PDSS1: variants seen among roughly 807,000 people sequenced by gnomAD.
The protein encoded by PDSS1 is decaprenyl diphosphate synthase subunit 1.
PDSS1 carries 43 observed loss-of-function variants against 57.5 expected under a neutral mutation model. The observed-to-expected ratio is 0.75, with a 90% confidence interval of 0.59 to 0.96. The LOEUF (loss-of-function observed/expected upper bound fraction) is 0.96. Among genes scored for constraint, PDSS1 ranks in the 50% least tolerant of loss-of-function variants. The pLI, the probability that PDSS1 is intolerant of heterozygous loss-of-function variation, is 0.00. For missense variants in PDSS1, 438 were observed against 527.8 expected (o/e 0.83, Z 1.67); for synonymous variants, 175 against 191.3 (o/e 0.91, Z 0.70).
Position 26,710,430 on chromosome 10 carries a change from A to G in PDSS1, c.467+662A>G, listed in dbSNP as rs543443846. ...CCCGCTAATTTTTTGTATTTTTAGT[A>G]GAGACAGGGTTTCACCGTGTTAGCC... On this transcript the variant is annotated intron_variant, in intron 5 of 11. Coordinates refer to ENST00000376215, the MANE Select transcript of PDSS1 (RefSeq NM_014317.5). Among the ~76,000 whole-genome samples the G allele has an allele frequency of 3.3e-5, 3 of 91,464 alleles. No homozygotes were observed. The South Asian group carries it at 9.0e-4, about 27-fold the overall frequency. The allele number at this position is 91,464 out of a possible 152,430, so 60.0% of individuals were successfully genotyped here. A position where few individuals can be genotyped will look rare whatever the true frequency, so the allele number is the denominator to read the frequency against.
intron 11 of PDSS1, among the ~76,000 whole-genome samples, chr10:26,743,443 TA>T (rs1333224125): frequency 6.6e-6 from 1 of 152,198 alleles, no homozygotes; most frequent in African/African-American, 2.4e-5. Flanking sequence ...CCCCAACCCC[TA>T]AAAGGTTATT....
intron 5 of PDSS1, 33 bp from the exon 6 acceptor site, chr10:26,720,185 G>T: frequency 6.2e-7 from 1 of 1,611,952 alleles, no homozygotes; most frequent in African/African-American, 1.3e-5. Flanking sequence ...TCTAGGCGGC[G>T]TCTGTTAAAA....
chr10:26,704,129 A>G (rs911996647), intron 2 of PDSS1, among the ~76,000 whole-genome samples: 1 of 149,274 alleles, frequency 6.7e-6, no homozygotes, highest in Non-Finnish European at 1.5e-5. Context: ...CATGTTCATT[A>G]GAGAAGAATC....
At chr10:26,702,936 T>C (rs979905052) in intron 2 of PDSS1, among the ~76,000 whole-genome samples, 2 of 152,314 alleles carry the variant, frequency 1.3e-5, no homozygotes, top group Non-Finnish European at 2.9e-5. Flanking sequence ...TGCCCCTCTC[T>C]TTTCATTCTT....
At chr10:26,731,852 C>T (rs1366501159) in intron 8 of PDSS1, among the ~76,000 whole-genome samples, 1 of 152,320 alleles carries the variant, frequency 6.6e-6, no homozygotes. Context: ...AGTGCAGTGG[C>T]ACGATCTCGG....
chr10:26,734,649 G>A (rs1177045823), intron 8 of PDSS1: 24 of 456,040 alleles, frequency 5.3e-5, no homozygotes, highest in Admixed American at 3.5e-4. Context: ...ATGAAAGAGC[G>A]ATATCTGTGT....
intron 5 of PDSS1, among the ~76,000 whole-genome samples, chr10:26,710,861 C>T (rs61851865): frequency 8.0e-5 from 8 of 99,416 alleles, no homozygotes; most frequent in Admixed American, 1.2e-4. Context: ...CAGCCTGAAA[C>T]ACCCTCTAGG....
rs1174934315 is a variant in PDSS1, at chr10:26,723,786, T to C, written c.610-20T>C. The C allele has an allele frequency of 1.3e-6, 2 of 1,529,132 alleles. No homozygotes were observed. The highest frequency in any genetic ancestry group is 3.3e-5 in the Admixed American group (2 of 59,932). 94.7% of individuals were successfully genotyped at this position (1,529,132 alleles called of 1,614,324 possible). On this transcript the variant is annotated intron_variant, in intron 6 of 11. Coordinates refer to ENST00000376215, the MANE Select transcript of PDSS1 (RefSeq NM_014317.5). ...GATGGATTTTTCAGAACGTTCTGTT[T>C]TCCCCCTGTCTTTTTCTAGGCTGTT... is the stretch of plus-strand genomic sequence containing the variant.
At chr10:26,703,609 A>G (rs1835112789) in intron 2 of PDSS1, among the ~76,000 whole-genome samples, 1 of 152,168 alleles carries the variant, frequency 6.6e-6, no homozygotes, top group Non-Finnish European at 1.5e-5. Context: ...GTTGTCATAT[A>G]ATGGTTGTCA....
At chr10:26,716,648 G>A (rs150184427) in intron 5 of PDSS1, among the ~76,000 whole-genome samples, 21 of 151,668 alleles carry the variant, frequency 1.4e-4, no homozygotes, top group Non-Finnish European at 1.8e-4. Flanking sequence ...TCAAGATTGC[G>A]CCCCTGCACT....
At chr10:26,707,263 T>A (rs1183218206) in intron 4 of PDSS1, among the ~76,000 whole-genome samples, 1 of 152,208 alleles carries the variant, frequency 6.6e-6, no homozygotes, top group Non-Finnish European at 1.5e-5. Context: ...TGCCTCTTAG[T>A]GTGCATGGTT....
chr10:26,744,620 G>A (rs1235635561), intron 11 of PDSS1, among the ~76,000 whole-genome samples: 1 of 151,740 alleles, frequency 6.6e-6, no homozygotes, highest in Non-Finnish European at 1.5e-5. Flanking sequence ...CGATCTTGAC[G>A]TCGTGATCCG....
At chr10:26,728,970 G>A (rs189860550) in intron 8 of PDSS1, among the ~76,000 whole-genome samples, 13 of 151,770 alleles carry the variant, frequency 8.6e-5, no homozygotes, top group South Asian at 4.2e-4. Flanking sequence ...TAGTAGAGAC[G>A]GGGTTTTGCC....
intron 1 of PDSS1, among the ~76,000 whole-genome samples, chr10:26,699,220 G>A (rs1021587847): frequency 6.6e-6 from 1 of 152,102 alleles, no homozygotes; most frequent in African/African-American, 2.4e-5. Context: ...ACAGAATATG[G>A]GGGGTGAGGG....
At chr10:26,736,717 G>A (rs776176410) in intron 10 of PDSS1, among the ~76,000 whole-genome samples, 5 of 152,056 alleles carry the variant, frequency 3.3e-5, no homozygotes, top group African/African-American at 1.2e-4. Context: ...TGGGGTACTC[G>A]GTAGGAACAC....
In PDSS1 at chr10:26,715,406, CT is replaced by C. The variant is rs58076852; in HGVS notation, c.468-4796del. 702 of 140,256 alleles carry C rather than the reference CT, an allele frequency of 5.0e-3. 1 individual carries two copies. The highest frequency in any genetic ancestry group is 7.0e-3 in the African/African-American group (270 of 38,518). 8.7% of individuals were successfully genotyped at this position (140,256 alleles called of 1,614,324 possible). On this transcript the variant is annotated intron_variant, in intron 5 of 11. Transcript: ENST00000376215. ...GTCTGCAAAGGAATCAACTCCTATA[CT>C]TTTTTTTTTTTTTTTGTCTTGCTCT...
At chr10:26,705,225 AATAT>A in intron 3 of PDSS1, 57 bp from the exon 4 acceptor site, 1 of 900,438 alleles carries the variant, frequency 1.1e-6, no homozygotes, top group Non-Finnish European at 1.9e-6. Flanking sequence ...GAGTCTACTA[AATAT>A]ATATGTATAT....
In PDSS1 at chr10:26,711,555, T is replaced by A. The variant is rs1280920914; in HGVS notation, c.467+1787T>A. On this transcript the variant is annotated intron_variant, in intron 5 of 11. Coordinates refer to ENST00000376215, the MANE Select transcript of PDSS1 (RefSeq NM_014317.5). ...AACCATTGTCAGGACCACTTTCACTTTACCGGAAGGCAGAGCAGCAAAAAC... is the reference window on the plus strand; with the variant it reads ...AACCATTGTCAGGACCACTTTCACTATACCGGAAGGCAGAGCAGCAAAAAC... 1.1e-4 allele frequency among the ~76,000 whole-genome samples: 11 copies of A among 99,080 alleles called. 4 individuals carry two copies. The highest frequency in any genetic ancestry group is 2.9e-4 in the African/African-American group (9 of 30,554). The allele number at this position is 99,080 out of a possible 152,430, so 65.0% of individuals were successfully genotyped here.
In PDSS1 at chr10:26,735,232, T is replaced by C. The variant is rs748807129; in HGVS notation, c.832-8T>C. The stretch of plus-strand genomic sequence containing the variant: ...GCAGCTTATCTCAGAATGCTCTTTC[T>C]GTTTCAGGTCTCTGTTCTAGGATGT... On this transcript the variant is annotated splice_polypyrimidine_tract_variant and splice_region_variant and intron_variant, in intron 8 of 11. Transcript: ENST00000376215. 3.1e-6 allele frequency: 5 copies of C among 1,607,428 alleles called. No homozygotes were observed. In the South Asian group the frequency reaches 5.5e-5, roughly 18 times the overall value.
Sources: allele counts gnomAD v4.1 joint callset (sites outside exome capture counted in the v4.1 genomes callset), GRCh38; gene constraint gnomAD v4.1.1; transcripts MANE v1.5; gene names NCBI Gene and HGNC (gene_info 2026-07-23, HGNC 2026-07-21).